VARS1: variants seen among roughly 807,000 people sequenced by gnomAD.
The protein encoded by VARS1 is valyl-tRNA synthetase 1, also known as valine--tRNA ligase.
A neutral mutation model predicts 161.0 loss-of-function variants in VARS1; 92 were observed. The ratio of observed to expected loss-of-function variants is 0.57; its 90% CI spans 0.48 to 0.68. The LOEUF is 0.68. Ranked by LOEUF, VARS1 falls within the 30% of genes least tolerant of loss-of-function variation. VARS1 has a pLI of 0.00. For missense variants in VARS1, 1,338 were observed against 1,695.9 expected (o/e 0.79, Z 3.71); for synonymous variants, 595 against 682.5 (o/e 0.87, Z 2.00).
chr6:31,783,871 C>A (rs931968205), intron 13 of VARS1, among the ~76,000 whole-genome samples: 10 of 152,134 alleles, frequency 6.6e-5, no homozygotes, highest in African/African-American at 2.4e-4. Context: ...CTATGTTGGC[C>A]AGGCTAGTCT....
chr6:31,787,809 T>C (rs2151428086), intron 8 of VARS1, among the ~76,000 whole-genome samples: 1 of 151,906 alleles, frequency 6.6e-6, no homozygotes, highest in East Asian at 1.9e-4. Flanking sequence ...AGACCCTCTC[T>C]TGATTTTATT....
In VARS1 at chr6:31,778,949, C is replaced by T. The variant is rs1232906958; in HGVS notation, c.3726+18G>A. 1 of 1,612,872 alleles carries T rather than the reference C, an allele frequency of 6.2e-7. No individual in the cohort carries two copies. Among genetic ancestry groups the T allele is most frequent in the Non-Finnish European group, 8.5e-7 (1 of 1,179,944 alleles). ...GAGGAAGGGGATGGTGTGGGAAATG[C>T]CCACCCAGGCCACACACCTTGGCTT... On this transcript the variant is annotated intron_variant, in intron 29 of 29. Coordinates refer to ENST00000375663, the MANE Select transcript of VARS1 (RefSeq NM_006295.3). The surrounding 1 kb of genome is among the most constrained non-coding windows in gnomAD (Gnocchi z 5.1).
chr6:31,794,693 C>T lies in VARS1; in HGVS notation c.387+138G>A, dbSNP rs181503585. 766 of 1,240,406 alleles carry T rather than the reference C, an allele frequency of 6.2e-4. 5 individuals are homozygous for T. The African/African-American group carries it at 0.011, about 17-fold the overall frequency. The allele number at this position is 1,240,406 out of a possible 1,614,324, so 76.8% of individuals were successfully genotyped here. ...GTCTATGAAACGTGCCCAGGGTTACCATACCAGTTGGCAATCTGGGATTTG... is the reference window on the plus strand; with the variant it reads ...GTCTATGAAACGTGCCCAGGGTTACTATACCAGTTGGCAATCTGGGATTTG... On this transcript the variant is annotated intron_variant, in intron 2 of 29. Coordinates refer to ENST00000375663, the MANE Select transcript of VARS1 (RefSeq NM_006295.3).
In VARS1 at chr6:31,779,816, T is replaced by TA. The variant is rs1281176447; in HGVS notation, c.3082-3dup. 1 of 1,612,672 alleles carries TA rather than the reference T, an allele frequency of 6.2e-7. No individual in the cohort carries two copies. The highest frequency in any genetic ancestry group is 8.5e-7 in the Non-Finnish European group (1 of 1,179,912). On this transcript the variant is annotated splice_polypyrimidine_tract_variant and splice_region_variant and intron_variant, in intron 26 of 29. Transcript: ENST00000375663. The surrounding 1 kb of genome is among the most constrained non-coding windows in gnomAD (Gnocchi z 9.1). Reference sequence around the variant, plus strand: ...ATTCAGTACAGGTTTCAGGCACTCCTAGGGGACGAGAGGTACAGGGCTCAC... The same window carrying TA: ...ATTCAGTACAGGTTTCAGGCACTCCTAAGGGGACGAGAGGTACAGGGCTCAC...
Position 31,782,505 on chromosome 6 carries a change from TC to T in VARS1, c.1991+24del, listed in dbSNP as rs552576055. The T allele has an allele frequency of 7.4e-4, 1,187 of 1,612,808 alleles. 13 individuals carry two copies. The highest frequency in any genetic ancestry group is 7.0e-3 in the South Asian group (634 of 91,072). On this transcript the variant is annotated intron_variant, in intron 16 of 29. Coordinates refer to ENST00000375663, the MANE Select transcript of VARS1 (RefSeq NM_006295.3). The surrounding 1 kb of genome is among the most constrained non-coding windows in gnomAD (Gnocchi z 8.3). ...AACCCTGAGGAGCCCTCCATCTTCC[TC>T]CCGTCCCAGGCCCCCACCCTCACTT...
chr6:31,785,448 C>T lies in VARS1; in HGVS notation c.1265+121G>A. Reference sequence around the variant, plus strand: ...AAATTTACCTGGGCCCTAGAGCCAACTGACTCTGCCTCTGTGGGAGGGTCT... The same window carrying T: ...AAATTTACCTGGGCCCTAGAGCCAATTGACTCTGCCTCTGTGGGAGGGTCT... On this transcript the variant is annotated intron_variant, in intron 9 of 29. Transcript: ENST00000375663. This position sits in a 1 kb window ranked among gnomAD's most constrained non-coding sequence, Gnocchi z 6.1. 6.6e-7 allele frequency: 1 copy of T among 1,525,736 alleles called. No homozygotes were observed. The highest frequency in any genetic ancestry group is 1.9e-5 in the Admixed American group (1 of 51,298). The allele number at this position is 1,525,736 out of a possible 1,614,324, so 94.5% of individuals were successfully genotyped here.
rs767288425 is a variant in VARS1, at chr6:31,781,680, C to T, written c.2418+11G>A. 1 of 1,612,900 alleles carries T rather than the reference C, an allele frequency of 6.2e-7. No homozygotes were observed. The highest frequency in any genetic ancestry group is 1.3e-5 in the African/African-American group (1 of 74,922). On this transcript the variant is annotated intron_variant, in intron 20 of 29. Transcript: ENST00000375663. The surrounding 1 kb of genome is among the most constrained non-coding windows in gnomAD (Gnocchi z 6.8). ...CCCCTGTCCCGCCAAGCCCCGGCCC[C>T]AGGAACACACCTGGTTGGGCCAGCC...
In VARS1 at chr6:31,779,185, C is replaced by T; in HGVS notation, c.3508G>A (p.Ala1170Thr). The T allele has an allele frequency of 2.5e-6, 4 of 1,604,040 alleles. No individual in the cohort carries two copies. The highest frequency in any genetic ancestry group is 1.7e-4 in the Middle Eastern group (1 of 6,018). The stretch of plus-strand genomic sequence containing the variant: ...ACAGCGCAACCCTGGGGGGCGGGAG[C>T]CCCCAGGGCCAGAACAGCCACCACA... ...AGVVAVLALG[A>T]PAPQGCAVAL... Residue 1170 changes from alanine (A) to threonine (T), a missense_variant, in exon 29 of 30, where the codon GCT (alanine) becomes ACT (threonine). Physicochemically the swap from Ala to Thr is moderately conservative, Grantham distance 58. This residue lies in a region of VARS1 where 433 missense variants were observed against 586.2 expected (regional missense o/e 0.74). Coordinates refer to ENST00000375663, the MANE Select transcript of VARS1 (RefSeq NM_006295.3). The surrounding 1 kb of genome is among the most constrained non-coding windows in gnomAD (Gnocchi z 9.1).
chr6:31,793,162 C>T, intron 2 of VARS1, 42 bp from the exon 3 acceptor site: 1 of 1,552,138 alleles, frequency 6.4e-7, no homozygotes, highest in African/African-American at 1.4e-5. Context: ...GTTTGGCCCA[C>T]CTCCATCTCC....
Position 31,779,749 on chromosome 6 carries a change from C to A in VARS1, c.3147G>T (p.Leu1049=). ...GCAGGCCAACGTCCAGGCAAGTGTACAGGGTCTGGCGGGCACACTCAGCTG... is the reference window on the plus strand; with the variant it reads ...GCAGGCCAACGTCCAGGCAAGTGTAAAGGGTCTGGCGGGCACACTCAGCTG... The part of the protein sequence containing the change: ...QVAAECARQT[L]YTCLDVGLRL... The change falls in exon 27 of 30, where the codon CTG becomes CTT. Residue 1049 remains leucine (L), a synonymous_variant. Transcript: ENST00000375663. The surrounding 1 kb of genome is among the most constrained non-coding windows in gnomAD (Gnocchi z 9.1). 1.2e-6 allele frequency: 2 copies of A among 1,613,046 alleles called. No individual in the cohort carries two copies. Among genetic ancestry groups the A allele is most frequent in the Non-Finnish European group, 1.7e-6 (2 of 1,180,014 alleles).
rs746729327 is a variant in VARS1, at chr6:31,792,452, C to A, written c.726G>T (p.Glu242Asp). 1.2e-6 allele frequency: 2 copies of A among 1,614,054 alleles called. No individual in the cohort carries two copies. The highest frequency in any genetic ancestry group is 3.3e-5 in the Admixed American group (2 of 60,010). The change falls in exon 5 of 30, where the codon GAG becomes GAT. Residue 242 changes from glutamate (E) to aspartate (D), a missense_variant. Glu to Asp is a conservative substitution (Grantham distance 45, BLOSUM62 2). Around this residue, in one of 3 missense-constraint regions of VARS1, gnomAD observed 902 missense variants for 1,090.3 expected, o/e 0.83. Transcript: ENST00000375663. ...GCTTCTGTTGGAATTTCTCTAGCTTCTCCCGTTTCTTTGCCTCTTTCTTGA... is the reference window on the plus strand; with the variant it reads ...GCTTCTGTTGGAATTTCTCTAGCTTATCCCGTTTCTTTGCCTCTTTCTTGA... ...AQLKKEAKKR[E>D]KLEKFQQKQK...
At position 31,777,689 on chromosome 6, in the gene VARS1, G is replaced by A; in HGVS notation, c.3727-27C>T. 1 of 1,608,354 alleles carries A rather than the reference G, an allele frequency of 6.2e-7. No homozygotes were observed. Among genetic ancestry groups the A allele is most frequent in the African/African-American group, 1.3e-5 (1 of 74,822 alleles). On this transcript the variant is annotated intron_variant, in intron 29 of 29. Transcript: ENST00000375663. The surrounding 1 kb of genome is among the most constrained non-coding windows in gnomAD (Gnocchi z 5.8). The stretch of plus-strand genomic sequence containing the variant: ...TGGAGTGGAACCAGGGGGTGGGTGA[G>A]GACCCAGGTCCAAGTGAAGAGACCC...
rs1296097447 is a variant in VARS1 at position 31,779,432 on chromosome 6, C to T, written c.3393G>A (p.Arg1131=). The change falls in exon 28 of 30, where the codon CGG becomes CGA. Residue 1131 remains arginine (R), a synonymous_variant. Coordinates refer to ENST00000375663, the MANE Select transcript of VARS1 (RefSeq NM_006295.3). The surrounding 1 kb of genome is among the most constrained non-coding windows in gnomAD (Gnocchi z 9.1). ...LRADYNLTRI[R]PDCFLEVADE... ...TGGGGGCCTGAGGCTCACAGTCAGG[C>T]CGGATCCGGGTGAGGTTGTAGTCGG... 21 of 1,611,666 alleles carry T rather than the reference C, an allele frequency of 1.3e-5. No homozygotes were observed. The East Asian group carries it at 4.7e-4, about 36-fold the overall frequency.
rs1056851590 is a variant in VARS1 at position 31,784,114 on chromosome 6, C to T, written c.1671+100G>A. On this transcript the variant is annotated intron_variant, in intron 13 of 29. Transcript: ENST00000375663. This position sits in a 1 kb window ranked among gnomAD's most constrained non-coding sequence, Gnocchi z 6.1. Reference sequence around the variant, plus strand: ...TGAAGACCAGTTTCTAACCCAGTTTCCTCTCCTCAGCCAGGGGCCTAAGTC... The same window carrying T: ...TGAAGACCAGTTTCTAACCCAGTTTTCTCTCCTCAGCCAGGGGCCTAAGTC... The T allele has an allele frequency of 1.2e-5, 16 of 1,351,108 alleles. No individual in the cohort carries two copies. In the Admixed American group the frequency reaches 1.9e-4, roughly 16 times the overall value. 83.7% of individuals were successfully genotyped at this position (1,351,108 alleles called of 1,614,324 possible).
rs530355950 is a variant in VARS1, at chr6:31,777,839, C to A, written c.3727-177G>T. 16 of 658,016 alleles carry A rather than the reference C, an allele frequency of 2.4e-5. No homozygotes were observed. The African/African-American group carries it at 2.7e-4, about 11-fold the overall frequency. The allele number at this position is 658,016 out of a possible 1,614,324, so 40.8% of individuals were successfully genotyped here. On this transcript the variant is annotated intron_variant, in intron 29 of 29. Coordinates refer to ENST00000375663, the MANE Select transcript of VARS1 (RefSeq NM_006295.3). This position sits in a 1 kb window ranked among gnomAD's most constrained non-coding sequence, Gnocchi z 5.8. Reference sequence around the variant, plus strand: ...ATTCCCACCAGCACCCCCACTTCCACCACCACCTCTTGGGTCTTGCCTTTT... The same window carrying A: ...ATTCCCACCAGCACCCCCACTTCCAACACCACCTCTTGGGTCTTGCCTTTT...
chr6:31,783,201 A>G lies in VARS1; in HGVS notation c.1672-15T>C. 6.2e-7 allele frequency: 1 copy of G among 1,611,262 alleles called. No homozygotes were observed. Among genetic ancestry groups the G allele is most frequent in the Non-Finnish European group, 8.5e-7 (1 of 1,179,246 alleles). ...CCCTTCAGGTGCTGGGGGCGGAAAG[A>G]TACCAAAAACGCATGAAGCAGGGCC... On this transcript the variant is annotated splice_polypyrimidine_tract_variant and intron_variant, in intron 13 of 29. Transcript: ENST00000375663.
Position 31,781,388 on chromosome 6 carries a change from C to T in VARS1, c.2544+93G>A. The T allele has an allele frequency of 6.6e-7, 1 of 1,526,236 alleles. No homozygotes were observed. The highest frequency in any genetic ancestry group is 8.8e-7 in the Non-Finnish European group (1 of 1,137,560). The allele number at this position is 1,526,236 out of a possible 1,614,324, so 94.5% of individuals were successfully genotyped here. ...CCGGGTCAGGCCTGCCCACAGCTAA[C>T]CCCATGCCCCAGCCACGCGGGGTCT... On this transcript the variant is annotated intron_variant, in intron 21 of 29. Transcript: ENST00000375663. This position sits in a 1 kb window ranked among gnomAD's most constrained non-coding sequence, Gnocchi z 6.8.
chr6:31,777,979 T>G lies in VARS1; in HGVS notation c.3727-317A>C. 1 of 470,766 alleles carries G rather than the reference T, an allele frequency of 2.1e-6. No homozygotes were observed. Among genetic ancestry groups the G allele is most frequent in the Non-Finnish European group, 3.8e-6 (1 of 260,604 alleles). The allele number at this position is 470,766 out of a possible 1,614,324, so 29.2% of individuals were successfully genotyped here. On this transcript the variant is annotated intron_variant, in intron 29 of 29. Coordinates refer to ENST00000375663, the MANE Select transcript of VARS1 (RefSeq NM_006295.3). The surrounding 1 kb of genome is among the most constrained non-coding windows in gnomAD (Gnocchi z 5.8). The stretch of plus-strand genomic sequence containing the variant: ...TCTCCCAGGCCGGTCACTTCATTTG[T>G]CAGATGATGATGATGATATTGCCCC...
Position 31,778,761 on chromosome 6 carries a change from C to A in VARS1, c.3726+206G>T. On this transcript the variant is annotated intron_variant, in intron 29 of 29. Coordinates refer to ENST00000375663, the MANE Select transcript of VARS1 (RefSeq NM_006295.3). The surrounding 1 kb of genome is among the most constrained non-coding windows in gnomAD (Gnocchi z 5.1). ...GGCTCAAGTGATCCACCCACCTTGG[C>A]CTCCCAAATTTCTGGGATTACAGGT... 1 of 671,454 alleles carries A rather than the reference C, an allele frequency of 1.5e-6. No individual in the cohort carries two copies. Among genetic ancestry groups the A allele is most frequent in the Non-Finnish European group, 2.5e-6 (1 of 406,430 alleles). 41.6% of individuals were successfully genotyped at this position (671,454 alleles called of 1,614,324 possible).
Sources: allele counts gnomAD v4.1 joint callset (sites outside exome capture counted in the v4.1 genomes callset), GRCh38; gene constraint gnomAD v4.1.1; regional missense constraint gnomAD v4.1.1; non-coding constraint Gnocchi (gnomAD v3.1); transcripts MANE v1.5; gene names NCBI Gene and HGNC (gene_info 2026-07-23, HGNC 2026-07-21).